Variants in WNK4 observed in about 807,000 individuals in gnomAD.
The protein encoded by WNK4 is serine/threonine-protein kinase WNK4.
In WNK4, 94 loss-of-function variants were observed where a neutral mutation model predicts 116.2. That is an observed-to-expected ratio of 0.81 (90% confidence interval 0.68 to 0.96). The LOEUF (loss-of-function observed/expected upper bound fraction) is 0.96. Among genes scored for constraint, WNK4 ranks in the 40% least tolerant of loss-of-function variants. The pLI is 0.00. For synonymous variants in WNK4, 655 were observed against 672.7 expected (o/e 0.97, Z 0.41); for missense variants, 1,542 against 1,650.6 (o/e 0.93, Z 1.14).
intron 2 of WNK4, 148 bp downstream of exon 2, chr17:42,783,078 C>A (rs142940431): frequency 1.8e-6 from 2 of 1,087,972 alleles, no homozygotes; most frequent in Middle Eastern, 3.0e-4. Flanking sequence ...GTCCCTGCCT[C>A]GGTGAGTGGC....
At chr17:42,792,903 A>G (rs2144066794) in intron 11 of WNK4, among the ~76,000 whole-genome samples, 1 of 152,276 alleles carries the variant, frequency 6.6e-6, no homozygotes, top group East Asian at 1.9e-4. Context: ...GGCAGCAGTG[A>G]AGATAACTCA....
intron 11 of WNK4, among the ~76,000 whole-genome samples, chr17:42,789,987 C>A (rs1672362044): frequency 6.6e-6 from 1 of 151,668 alleles, no homozygotes; most frequent in African/African-American, 2.4e-5. Flanking sequence ...GCCTGGAAGA[C>A]AGAGTGAACT....
At chr17:42,783,686 C>T (rs1292067945) in intron 2 of WNK4, 11 of 574,414 alleles carry the variant, frequency 1.9e-5, no homozygotes, top group Non-Finnish European at 2.5e-5. Context: ...TCCCTTCCTG[C>T]GCTCCCACAG....
rs2054497473 is a variant in WNK4, at chr17:42,782,656, G to A, written c.619-102G>A. The A allele has an allele frequency of 7.3e-7, 1 of 1,373,268 alleles. No homozygotes were observed. The highest frequency in any genetic ancestry group is 1.9e-5 in the Admixed American group (1 of 52,720). The allele number at this position is 1,373,268 out of a possible 1,614,324, so 85.1% of individuals were successfully genotyped here. A position where few individuals can be genotyped will look rare whatever the true frequency, so the allele number is the denominator to read the frequency against. On this transcript the variant is annotated intron_variant, in intron 1 of 18. Transcript: ENST00000246914. This position sits in a 1 kb window ranked among gnomAD's most constrained non-coding sequence, Gnocchi z 4.2. ...ATCCCATTAACCCCACCCCATCTGT[G>A]GGCTCCAACCCTCACCTCTTCCCCC...
rs368185978 is a variant in WNK4, at chr17:42,795,260, G to A, written c.2839G>A (p.Gly947Arg). ...CCAGTCCCTGCTGTCCCCCTCACCTGGGCTCCTTTCCCAGTCTCCTCCAGC... is the reference window on the plus strand; with the variant it reads ...CCAGTCCCTGCTGTCCCCCTCACCTAGGCTCCTTTCCCAGTCTCCTCCAGC... Reference protein sequence around the residue: ...VAQSLLSPSPGLLSQSPPAPP... With the variant: ...VAQSLLSPSPRLLSQSPPAPP... Residue 947 changes from glycine (G) to arginine (R), a missense_variant, in exon 14 of 19, where the codon GGG (glycine) becomes AGG (arginine). Transcript: ENST00000246914. The A allele has an allele frequency of 1.2e-5, 19 of 1,613,358 alleles. No individual in the cohort carries two copies. Among genetic ancestry groups the A allele is most frequent in the Admixed American group, 1.7e-5 (1 of 59,942 alleles).
At position 42,788,401 on chromosome 17, in the gene WNK4, C is replaced by G. The variant is rs1361519028; in HGVS notation, c.2034C>G (p.Val678=). Residue 678 remains valine, a synonymous_variant, in exon 10 of 19, where the codon GTC becomes GTG. Coordinates refer to ENST00000246914, the MANE Select transcript of WNK4 (RefSeq NM_032387.5). ...GCAGACCCCGATCCCGGCTGCGGGT[C>G]ACTAGTGTAAGGATGGAGTACAGGA... ...LRRRPRSRLR[V]TSVSDQNDRV... 6.2e-7 allele frequency: 1 copy of G among 1,612,348 alleles called. No homozygotes were observed. The highest frequency in any genetic ancestry group is 1.1e-5 in the South Asian group (1 of 90,992).
chr17:42,781,332 C>T lies in WNK4; in HGVS notation c.618+16C>T. ...TGAGCTGCAGGTGCGGCTGGGAGCC[C>T]CCTCGGTGGCACCTTGGGATGGGAC... On this transcript the variant is annotated intron_variant, in intron 1 of 18. Transcript: ENST00000246914. 1 of 1,613,994 alleles carries T rather than the reference C, an allele frequency of 6.2e-7. No homozygotes were observed. Among genetic ancestry groups the T allele is most frequent in the Non-Finnish European group, 8.5e-7 (1 of 1,179,996 alleles).
chr17:42,780,752 C>T lies in WNK4; in HGVS notation c.54C>T (p.Ala18=). 2 of 1,608,394 alleles carry T rather than the reference C, an allele frequency of 1.2e-6. No individual in the cohort carries two copies. Among genetic ancestry groups the T allele is most frequent in the Non-Finnish European group, 1.7e-6 (2 of 1,179,494 alleles). The change falls in exon 1 of 19, where the codon GCC becomes GCT. Residue 18 remains alanine (A), a synonymous_variant. Transcript: ENST00000246914. ...CCGTCCTCATGTCCCAGACTGAGGC[C>T]GACCTGGCCCTGCGGCCCCCGCCTC... ...ETTVLMSQTE[A]DLALRPPPPL...
chr17:42,794,805 G>C lies in WNK4; in HGVS notation c.2384G>C (p.Arg795Thr), dbSNP rs185780530. Residue 795 changes from arginine to threonine, a missense_variant, in exon 14 of 19, where the codon AGG becomes ACG. By Grantham distance (71) the Arg-to-Thr change is moderately conservative. Coordinates refer to ENST00000246914, the MANE Select transcript of WNK4 (RefSeq NM_032387.5). Reference protein sequence around the residue: ...ELQSSTSLEHRSWTAFSTSSS... With the variant: ...ELQSSTSLEHTSWTAFSTSSS... ...CAGAGCAGCACCTCCCTGGAGCACA[G>C]GAGCTGGACAGCCTTCTCCACCTCC... 11 of 1,613,962 alleles carry C rather than the reference G, an allele frequency of 6.8e-6. No individual in the cohort carries two copies. In the East Asian group the frequency reaches 2.5e-4, roughly 36 times the overall value.
At chr17:42,793,068 A>G (rs1375161271) in intron 11 of WNK4, among the ~76,000 whole-genome samples, 1 of 152,202 alleles carries the variant, frequency 6.6e-6, no homozygotes. Flanking sequence ...AATATACGCA[A>G]AGCAGCTGGT....
chr17:42,796,322 G>A lies in WNK4; in HGVS notation c.3631G>A (p.Gly1211Ser), dbSNP rs781237330. Residue 1211 changes from glycine (G) to serine (S), a missense_variant and splice_region_variant, in exon 17 of 19, where the codon GGC becomes AGC. Transcript: ENST00000246914. ...ACAGCGCTCTGAGCCCCCAGGCCCT[G>A]GTGAGACTGCAGTCACCCAGCTTCC... ...SLQRSEPPGP[G>S]IMRRNSLSGS... The A allele has an allele frequency of 1.2e-6, 2 of 1,611,602 alleles. No homozygotes were observed. Among genetic ancestry groups the A allele is most frequent in the Non-Finnish European group, 1.7e-6 (2 of 1,178,924 alleles).
intron 6 of WNK4, among the ~76,000 whole-genome samples, chr17:42,786,809 C>G (rs892680875): frequency 6.6e-6 from 1 of 152,208 alleles, no homozygotes; most frequent in African/African-American, 2.4e-5. Flanking sequence ...CACGGCCCAA[C>G]CTGACCTGAG....
At chr17:42,793,906 G>T (rs2054632857) in intron 12 of WNK4, 177 bp downstream of exon 12, 5 of 732,388 alleles carry the variant, frequency 6.8e-6, no homozygotes, top group Non-Finnish European at 1.1e-5. Context: ...AGGCTGGAGT[G>T]CAGTGGCACG....
intron 2 of WNK4, among the ~76,000 whole-genome samples, chr17:42,783,222 T>C (rs568979086): frequency 2.6e-5 from 4 of 152,262 alleles, no homozygotes; most frequent in African/African-American, 9.6e-5. Flanking sequence ...GCTTCATCCA[T>C]GCCACCACCT....
intron 12 of WNK4, chr17:42,794,288 A>T: frequency 2.4e-6 from 1 of 414,530 alleles, no homozygotes. Context: ...GAGAAGTTGC[A>T]AGAATTATAT....
At position 42,783,924 on chromosome 17, in the gene WNK4, CG is replaced by C; in HGVS notation, c.792-12del. 4 of 1,609,376 alleles carry C rather than the reference CG, an allele frequency of 2.5e-6. No individual in the cohort carries two copies. The highest frequency in any genetic ancestry group is 3.4e-6 in the Non-Finnish European group (4 of 1,178,186). On this transcript the variant is annotated splice_polypyrimidine_tract_variant and intron_variant, in intron 2 of 18. Coordinates refer to ENST00000246914, the MANE Select transcript of WNK4 (RefSeq NM_032387.5). Reference sequence around the variant, plus strand: ...TCCCCCCACCAGGACTCTGGCTATGCGCCCTCCCCCAGGTACCTGAGGCGGT... The same window carrying C: ...TCCCCCCACCAGGACTCTGGCTATGCCCCTCCCCCAGGTACCTGAGGCGGT...
chr17:42,782,308 C>T lies in WNK4; in HGVS notation c.619-450C>T, dbSNP rs1283557841. On this transcript the variant is annotated intron_variant, in intron 1 of 18. Transcript: ENST00000246914. This position sits in a 1 kb window ranked among gnomAD's most constrained non-coding sequence, Gnocchi z 4.2. ...CTTCTCAGTACCTCCCTCCATATCC[C>T]TCCCGCCTTCCGTCTGGATCTAGCA... Among the ~76,000 whole-genome samples, 2 of 152,240 alleles carry T rather than the reference C, an allele frequency of 1.3e-5. No homozygotes were observed. The highest frequency in any genetic ancestry group is 4.8e-5 in the African/African-American group (2 of 41,456).
rs1288372020 is a variant in WNK4 at position 42,784,996 on chromosome 17, C to T, written c.1171-101C>T. On this transcript the variant is annotated intron_variant, in intron 4 of 18. Transcript: ENST00000246914. This position sits in a 1 kb window ranked among gnomAD's most constrained non-coding sequence, Gnocchi z 4.4. The stretch of plus-strand genomic sequence containing the variant: ...GCAGTCAGGCTTTTGCAACTGCACG[C>T]GCAGCTGCCTAAGGAGGGAGTGGAG... The T allele has an allele frequency of 3.3e-6, 4 of 1,218,838 alleles. No individual in the cohort carries two copies. The highest frequency in any genetic ancestry group is 1.5e-5 in the African/African-American group (1 of 65,222). 75.5% of individuals were successfully genotyped at this position (1,218,838 alleles called of 1,614,324 possible).
At position 42,782,155 on chromosome 17, in the gene WNK4, C is replaced by T. The variant is rs1408275387; in HGVS notation, c.619-603C>T. On this transcript the variant is annotated intron_variant, in intron 1 of 18. Transcript: ENST00000246914. The surrounding 1 kb of genome is among the most constrained non-coding windows in gnomAD (Gnocchi z 4.2). ...TCGCCCCTTGCGCCTGCCAGTGCCGCGCCCCAGGCTCTGGGCCAGGCCAGG... is the reference window on the plus strand; with the variant it reads ...TCGCCCCTTGCGCCTGCCAGTGCCGTGCCCCAGGCTCTGGGCCAGGCCAGG... Among the ~76,000 whole-genome samples the T allele has an allele frequency of 6.6e-5, 10 of 151,864 alleles. No individual in the cohort carries two copies. The highest frequency in any genetic ancestry group is 1.7e-4 in the African/African-American group (7 of 41,320).
Sources: allele counts gnomAD v4.1 joint callset (sites outside exome capture counted in the v4.1 genomes callset), GRCh38; gene constraint gnomAD v4.1.1; non-coding constraint Gnocchi (gnomAD v3.1); transcripts MANE v1.5; gene names NCBI Gene and HGNC (gene_info 2026-07-23, HGNC 2026-07-21).